The following PRKN variants were observed in gnomAD, a reference collection of about 807,000 sequenced individuals.
The protein encoded by PRKN is E3 ubiquitin-protein ligase parkin.
In PRKN, 56 loss-of-function variants were observed where a neutral mutation model predicts 59.5. That is an observed-to-expected ratio of 0.94 (90% CI 0.76 to 1.18). The LOEUF (loss-of-function observed/expected upper bound fraction) is 1.18. Ranked by LOEUF, PRKN falls within the 50% of genes most tolerant of loss-of-function variation. The probability of loss-of-function intolerance (pLI) is 0.00; values close to 1 mark genes in which losing one functional copy is unlikely to be tolerated. For synonymous variants in PRKN, 250 were observed against 222.1 expected, an observed-to-expected ratio of 1.13 and a Z score of -1.12; for missense variants, 657 against 596.4, an observed-to-expected ratio of 1.10 and a Z score of -1.06.
chr6:162,510,380 T>C (rs964808904), intron 1 of PRKN, among the ~76,000 whole-genome samples: 7 of 151,972 alleles, frequency 4.6e-5, no homozygotes, highest in Non-Finnish European at 1.0e-4. Context: ...TGATGGCAGG[T>C]GCTTTCTCAC....
chr6:162,085,779 T>C (rs969757667), intron 4 of PRKN, among the ~76,000 whole-genome samples: 1 of 152,130 alleles, frequency 6.6e-6, no homozygotes, highest in Non-Finnish European at 1.5e-5. Context: ...CATCTTACTG[T>C]TCTCACCACC....
In PRKN at chr6:161,566,053, ATGCTGC is replaced by A. The variant is rs1780630622; in HGVS notation, c.933+3296_933+3301del. On this transcript the variant is annotated intron_variant, in intron 8 of 11. Transcript: ENST00000366898. The surrounding 1 kb of genome is among the most constrained non-coding windows in gnomAD (Gnocchi z 4.1). Reference sequence around the variant, plus strand: ...GAATCATTACCATCAGTACATAGACATGCTGCAATTTTTCCCATTAAGAAGGTCATT... The same window carrying A: ...GAATCATTACCATCAGTACATAGACAAATTTTTCCCATTAAGAAGGTCATT... Among the ~76,000 whole-genome samples the A allele has an allele frequency of 2.0e-5, 3 of 152,190 alleles. No homozygotes were observed. The highest frequency in any genetic ancestry group is 7.2e-5 in the African/African-American group (3 of 41,446).
chr6:161,748,720 G>A (rs1292334921), intron 7 of PRKN, among the ~76,000 whole-genome samples: 1 of 152,144 alleles, frequency 6.6e-6, no homozygotes, highest in Non-Finnish European at 1.5e-5. Context: ...AGGGGCACTT[G>A]GGAAGACGCG....
intron 1 of PRKN, among the ~76,000 whole-genome samples, chr6:162,721,785 G>A (rs964847836): frequency 1.3e-5 from 2 of 152,122 alleles, no homozygotes; most frequent in Non-Finnish European, 2.9e-5. Context: ...CTCTAAAGGA[G>A]GTGCTAATTG....
rs117722869 is a variant in PRKN at position 162,703,608 on chromosome 6, A to G, written c.7+24054T>C. Among the ~76,000 whole-genome samples, 11 of 152,248 alleles carry G rather than the reference A, an allele frequency of 7.2e-5. No homozygotes were observed. The East Asian group carries it at 2.1e-3, about 30-fold the overall frequency. ...GTGTGTGTCAGGCACGGGGCTAAGA[A>G]CTTTCTATTTAATTCTGGAGATTCC... On this transcript the variant is annotated intron_variant, in intron 1 of 11. Coordinates refer to ENST00000366898, the MANE Select transcript of PRKN (RefSeq NM_004562.3).
rs368308605 is a variant in PRKN at position 161,621,634 on chromosome 6, A to G, written c.872-52218T>C. 1.3e-4 allele frequency among the ~76,000 whole-genome samples: 20 copies of G among 152,150 alleles called. No homozygotes were observed. In the East Asian group the frequency reaches 3.7e-3, roughly 28 times the overall value. Reference sequence around the variant, plus strand: ...TCACATCCCAACCTCCTCTGGAAACACCCTCACAAACACACCCCAAAATAA... The same window carrying G: ...TCACATCCCAACCTCCTCTGGAAACGCCCTCACAAACACACCCCAAAATAA... On this transcript the variant is annotated intron_variant, in intron 7 of 11. Coordinates refer to ENST00000366898, the MANE Select transcript of PRKN (RefSeq NM_004562.3).
chr6:161,977,748 C>T (rs1366648031), intron 5 of PRKN, among the ~76,000 whole-genome samples: 2 of 151,052 alleles, frequency 1.3e-5, no homozygotes, highest in Admixed American at 1.3e-4. Flanking sequence ...GGGGTTTCAC[C>T]ATGTTAGCCA....
At chr6:162,538,007 T>C (rs1778787580) in intron 1 of PRKN, among the ~76,000 whole-genome samples, 3 of 152,234 alleles carry the variant, frequency 2.0e-5, no homozygotes, top group Admixed American at 6.5e-5. Flanking sequence ...TTTGTTTTGA[T>C]ACTGGTATAA....
intron 2 of PRKN, among the ~76,000 whole-genome samples, chr6:162,316,198 A>G (rs1437742204): frequency 1.3e-5 from 2 of 150,404 alleles, no homozygotes. Flanking sequence ...GTATAGGACC[A>G]TGAAAAATGG....
chr6:161,602,949 G>A (rs961239857), intron 7 of PRKN, among the ~76,000 whole-genome samples: 1 of 152,124 alleles, frequency 6.6e-6, no homozygotes. Flanking sequence ...TACTAATAAA[G>A]ACTTCTGTTT....
intron 10 of PRKN, among the ~76,000 whole-genome samples, chr6:161,375,813 G>A (rs759152543): frequency 1.2e-4 from 19 of 152,304 alleles, no homozygotes; most frequent in Middle Eastern, 6.8e-3. Flanking sequence ...GCGCAAGGCC[G>A]AGCCCGAACG....
intron 7 of PRKN, among the ~76,000 whole-genome samples, chr6:161,720,421 T>C (rs899614456): frequency 6.6e-6 from 1 of 152,172 alleles, no homozygotes; most frequent in Non-Finnish European, 1.5e-5. Context: ...TCAATCCTCC[T>C]GTGCCCCGAC....
chr6:161,690,288 TGG>T (rs1243237111), intron 7 of PRKN, among the ~76,000 whole-genome samples: 1 of 152,180 alleles, frequency 6.6e-6, no homozygotes, highest in East Asian at 1.9e-4. Context: ...CCTTACACTC[TGG>T]CCATTGAGAG....
At chr6:162,535,363 A>G (rs938032754) in intron 1 of PRKN, among the ~76,000 whole-genome samples, 2 of 151,990 alleles carry the variant, frequency 1.3e-5, no homozygotes, top group Non-Finnish European at 2.9e-5. Flanking sequence ...ATAATACTTA[A>G]TATTTTGTCC....
At chr6:162,665,343 T>C (rs1779060558) in intron 1 of PRKN, among the ~76,000 whole-genome samples, 1 of 152,080 alleles carries the variant, frequency 6.6e-6, no homozygotes, top group East Asian at 1.9e-4. Context: ...AGTCTCAGGA[T>C]ACAAAATCAA....
intron 6 of PRKN, among the ~76,000 whole-genome samples, chr6:161,877,807 C>T (rs758643900): frequency 2.6e-5 from 4 of 151,888 alleles, no homozygotes; most frequent in South Asian, 2.1e-4. Context: ...TAAGAGTGAC[C>T]GAAGAGAGAA....
rs554376117 is a variant in PRKN, at chr6:161,483,458, G to C, written c.1083+65396C>G. Among the ~76,000 whole-genome samples the C allele has an allele frequency of 6.6e-6, 1 of 152,140 alleles. No homozygotes were observed. Among genetic ancestry groups the C allele is most frequent in the Non-Finnish European group, 1.5e-5 (1 of 68,020 alleles). Reference sequence around the variant, plus strand: ...GATGCTTGCCTTCATGAACTTTCAGGCCTCATCTATAAGGTCAGGAAAGGG... The same window carrying C: ...GATGCTTGCCTTCATGAACTTTCAGCCCTCATCTATAAGGTCAGGAAAGGG... On this transcript the variant is annotated intron_variant, in intron 9 of 11. Coordinates refer to ENST00000366898, the MANE Select transcript of PRKN (RefSeq NM_004562.3). The surrounding 1 kb of genome is among the most constrained non-coding windows in gnomAD (Gnocchi z 5.0).
At chr6:161,805,476 A>ACG (rs1791273419) in intron 6 of PRKN, among the ~76,000 whole-genome samples, 2 of 72,298 alleles carry the variant, frequency 2.8e-5, no homozygotes, top group South Asian at 6.0e-4. Flanking sequence ...ACACACACAC[A>ACG]CACATGCATG....
At chr6:161,474,695 C>T (rs191889720) in intron 9 of PRKN, among the ~76,000 whole-genome samples, 16 of 148,110 alleles carry the variant, frequency 1.1e-4, no homozygotes, top group African/African-American at 3.2e-4. Context: ...CGTGGGTTCA[C>T]GCCATTCTCC....
Sources: gnomAD v4.1 joint callset for allele counts (sites outside exome capture counted in the v4.1 genomes callset) on GRCh38, gnomAD v4.1.1 for gene constraint, Gnocchi (gnomAD v3.1) non-coding constraint, MANE v1.5 for transcripts, NCBI Gene and HGNC (gene_info 2026-07-23, HGNC 2026-07-21) for gene names.